PRR5L: variants seen among roughly 807,000 people sequenced by gnomAD.
PRR5L encodes the protein proline-rich protein 5-like.
In PRR5L, 21 loss-of-function variants were observed where a neutral mutation model predicts 36.4. The ratio of observed to expected loss-of-function variants is 0.58; its 90% CI spans 0.41 to 0.83. The LOEUF (loss-of-function observed/expected upper bound fraction) is 0.83, where lower values mean the gene tolerates loss of function less well. PRR5L is among the 40% of genes least tolerant of loss of function. The probability of loss-of-function intolerance (pLI) is 0.00; values close to 1 mark genes in which losing one functional copy is unlikely to be tolerated. For synonymous variants in PRR5L, 188 were observed against 197.0 expected, an observed-to-expected ratio of 0.95 and a Z score of 0.38; for missense variants, 381 against 473.3, an observed-to-expected ratio of 0.80 and a Z score of 1.81.
At chr11:36,376,842 A>C in intron 1 of PRR5L, 33 of 532,024 alleles carry the variant, frequency 6.2e-5, no homozygotes, top group Non-Finnish European at 7.9e-5. Context: ...GAAAAGTGTC[A>C]CGTTTGGGGG....
chr11:36,464,564 A>G lies in PRR5L; in HGVS notation c.*1828A>G, dbSNP rs976978581. ...TCTATGTATGTGTTGGATAAAGTCT[A>G]CAGACTGACTAACATGCATTAGCAA... On this transcript the variant is annotated 3_prime_UTR_variant, in exon 9 of 9. Coordinates refer to ENST00000530639, the MANE Select transcript of PRR5L (RefSeq NM_001160167.2). 3 of 152,244 alleles carry G rather than the reference A, an allele frequency of 2.0e-5. No homozygotes were observed. The highest frequency in any genetic ancestry group is 2.9e-5 in the Non-Finnish European group (2 of 68,048). 9.4% of individuals were successfully genotyped at this position (152,244 alleles called of 1,614,324 possible). A position where few individuals can be genotyped will look rare whatever the true frequency, so the allele number is the denominator to read the frequency against.
chr11:36,376,502 A>G lies in PRR5L; in HGVS notation c.-125-24495A>G, dbSNP rs1452346865. The G allele has an allele frequency of 4.8e-6, 5 of 1,043,278 alleles. No individual in the cohort carries two copies. In the Admixed American group the frequency reaches 1.6e-4, roughly 33 times the overall value. The allele number at this position is 1,043,278 out of a possible 1,614,324, so 64.6% of individuals were successfully genotyped here. ...TGGACGGGACCCCATCTGAGGGCAG[A>G]GCTGGGGGAGGAGGGAGGGACGGAG... On this transcript the variant is annotated intron_variant, in intron 1 of 8. Transcript: ENST00000530639.
chr11:36,444,825 TC>T (rs1858794144), intron 6 of PRR5L, among the ~76,000 whole-genome samples: 1 of 152,186 alleles, frequency 6.6e-6, no homozygotes, highest in Non-Finnish European at 1.5e-5. Context: ...GTTGTTTATG[TC>T]CCCTCTGCTT....
chr11:36,460,725 G>A (rs1051580708), intron 8 of PRR5L, among the ~76,000 whole-genome samples: 1 of 152,236 alleles, frequency 6.6e-6, no homozygotes, highest in South Asian at 2.1e-4. Context: ...AGCTTCCTGA[G>A]CACAGTCCAT....
chr11:36,461,397 TGG>T (rs1859176488), intron 8 of PRR5L, among the ~76,000 whole-genome samples: 2 of 151,762 alleles, frequency 1.3e-5, no homozygotes, highest in Non-Finnish European at 2.9e-5. Context: ...CTGAGGCGGG[TGG>T]ATCACCTGAG....
chr11:36,412,582 A>G (rs935120635), intron 3 of PRR5L, among the ~76,000 whole-genome samples: 7 of 152,180 alleles, frequency 4.6e-5, no homozygotes, highest in African/African-American at 1.7e-4. Flanking sequence ...CCCTGCATCT[A>G]GGGAACCACA....
chr11:36,372,901 C>T (rs1857211322), intron 1 of PRR5L, among the ~76,000 whole-genome samples: 1 of 152,114 alleles, frequency 6.6e-6, no homozygotes. Context: ...TTAACGAGCC[C>T]ACAGCCAGTG....
chr11:36,431,716 G>A (rs1381769581), intron 4 of PRR5L, 137 bp from the exon 5 acceptor site: 1 of 686,074 alleles, frequency 1.5e-6, no homozygotes, highest in South Asian at 2.1e-5. Context: ...AGGAAAAAAG[G>A]CTTCTTAAAC....
At chr11:36,423,352 T>A (rs565674586) in intron 4 of PRR5L, among the ~76,000 whole-genome samples, 1 of 152,188 alleles carries the variant, frequency 6.6e-6, no homozygotes, top group Admixed American at 6.5e-5. Flanking sequence ...TTACAGCATA[T>A]GGCAGAGAGC....
intron 1 of PRR5L, among the ~76,000 whole-genome samples, chr11:36,397,925 C>T (rs888585079): frequency 6.6e-6 from 1 of 151,760 alleles, no homozygotes; most frequent in Non-Finnish European, 1.5e-5. Context: ...CCCCCCGAGT[C>T]GCCGGGATTA....
chr11:36,332,486 C>A (rs1485121799), intron 1 of PRR5L, among the ~76,000 whole-genome samples: 1 of 152,158 alleles, frequency 6.6e-6, no homozygotes, highest in Non-Finnish European at 1.5e-5. Context: ...ATTTTCTTAA[C>A]CCTCCTTACC....
At chr11:36,307,227 C>A (rs1167562960) in intron 1 of PRR5L, among the ~76,000 whole-genome samples, 1 of 152,152 alleles carries the variant, frequency 6.6e-6, no homozygotes, top group Non-Finnish European at 1.5e-5. Context: ...AACAAGTTTG[C>A]AAATGCTTCA....
chr11:36,374,090 CT>C (rs1857226121), intron 1 of PRR5L, among the ~76,000 whole-genome samples: 1 of 118,588 alleles, frequency 8.4e-6, no homozygotes, highest in South Asian at 2.9e-4. Context: ...TCCTTCCTTC[CT>C]TCCTTCCTTC....
intron 4 of PRR5L, among the ~76,000 whole-genome samples, chr11:36,427,255 C>A (rs753407705): frequency 6.6e-6 from 1 of 152,142 alleles, no homozygotes; most frequent in Non-Finnish European, 1.5e-5. Flanking sequence ...CATTATAGTG[C>A]GACTTGACTG....
chr11:36,427,805 TA>T (rs1307047972), intron 4 of PRR5L, among the ~76,000 whole-genome samples: 1 of 152,208 alleles, frequency 6.6e-6, no homozygotes, highest in African/African-American at 2.4e-5. Context: ...TCACCACCTC[TA>T]ATGTCAACAC....
chr11:36,445,642 G>A (rs1858813242), intron 6 of PRR5L, among the ~76,000 whole-genome samples: 2 of 152,200 alleles, frequency 1.3e-5, no homozygotes, highest in African/African-American at 4.8e-5. Flanking sequence ...TGTTTCATCT[G>A]TGAAATGGGT....
At chr11:36,401,931 T>C (rs1285523082) in intron 2 of PRR5L, among the ~76,000 whole-genome samples, 2 of 152,212 alleles carry the variant, frequency 1.3e-5, no homozygotes, top group Admixed American at 1.3e-4. Context: ...TGGGCTTCTA[T>C]AAGAAACCTT....
chr11:36,436,251 G>C (rs1858604549), intron 5 of PRR5L, among the ~76,000 whole-genome samples: 1 of 152,256 alleles, frequency 6.6e-6, no homozygotes, highest in South Asian at 2.1e-4. Flanking sequence ...GCGTCTCTCA[G>C]TGTCTAATCT....
At chr11:36,438,279 C>T (rs573126108) in intron 6 of PRR5L, among the ~76,000 whole-genome samples, 1 of 152,266 alleles carries the variant, frequency 6.6e-6, no homozygotes, top group Admixed American at 6.5e-5. Context: ...ACTCCCTCTT[C>T]TCTCCTCCCA....
Sources: allele counts gnomAD v4.1 joint callset (sites outside exome capture counted in the v4.1 genomes callset), GRCh38; gene constraint gnomAD v4.1.1; transcripts MANE v1.5; gene names NCBI Gene and HGNC (gene_info 2026-07-23, HGNC 2026-07-21).